The following TMEM178B variants were observed in gnomAD, a reference collection of about 807,000 sequenced individuals.
TMEM178B encodes the protein transmembrane protein 178B.
TMEM178B carries 5 observed loss-of-function variants against 31.0 expected under a neutral mutation model. The observed-to-expected ratio is 0.16, with a 90% CI of 0.08 to 0.34. TMEM178B has a LOEUF of 0.34. Ranked by LOEUF, TMEM178B falls within the 10% of genes least tolerant of loss-of-function variation. The pLI is 1.00. For synonymous variants in TMEM178B, 164 were observed against 164.0 expected (o/e 1.00, Z 0.00); for missense variants, 275 against 400.3 (o/e 0.69, Z 2.67).
chr7:141,455,195 C>T (rs1447182471), intron 3 of TMEM178B, among the ~76,000 whole-genome samples: 1 of 152,162 alleles, frequency 6.6e-6, no homozygotes, highest in Non-Finnish European at 1.5e-5. Flanking sequence ...AAACTCGTGT[C>T]CCTTCAGAAG....
chr7:141,353,205 C>T (rs1298039770), intron 2 of TMEM178B, among the ~76,000 whole-genome samples: 2 of 152,280 alleles, frequency 1.3e-5, no homozygotes, highest in African/African-American at 2.4e-5. Flanking sequence ...CGGCTGAGTT[C>T]GCATTCCAAC....
chr7:141,436,857 G>A (rs1274694089), intron 2 of TMEM178B, among the ~76,000 whole-genome samples: 1 of 152,178 alleles, frequency 6.6e-6, no homozygotes, highest in Non-Finnish European at 1.5e-5. Flanking sequence ...AGCCAGGCGT[G>A]GAACAGAGAA....
intron 3 of TMEM178B, among the ~76,000 whole-genome samples, chr7:141,460,583 G>A (rs1802043290): frequency 6.6e-6 from 1 of 152,248 alleles, no homozygotes; most frequent in Admixed American, 6.5e-5. Context: ...GAATCTGGAT[G>A]TATTCTCTTT....
intron 2 of TMEM178B, among the ~76,000 whole-genome samples, chr7:141,264,403 A>T (rs1483313433): frequency 6.6e-6 from 1 of 152,194 alleles, no homozygotes; most frequent in African/African-American, 2.4e-5. Flanking sequence ...CCCATGCCAG[A>T]TGCAGAAATG....
At chr7:141,140,344 C>T (rs1795750398) in intron 1 of TMEM178B, among the ~76,000 whole-genome samples, 2 of 152,140 alleles carry the variant, frequency 1.3e-5, no homozygotes, top group Admixed American at 1.3e-4. Flanking sequence ...TCTTAGAACA[C>T]CCTGTTTAAA....
At chr7:141,164,090 A>G (rs1017749734) in intron 1 of TMEM178B, among the ~76,000 whole-genome samples, 23 of 152,184 alleles carry the variant, frequency 1.5e-4, no homozygotes, top group African/African-American at 4.8e-4. Flanking sequence ...TTTTCTGAAT[A>G]TAATACTCTT....
At position 141,102,599 on chromosome 7, in the gene TMEM178B, G is replaced by T. The variant is rs780517685; in HGVS notation, c.382+27907G>T. ...CGTGCTAGTTTCTAAGCATATGCAG[G>T]TTTCCTGGCATAGAAAATGCTTATG... On this transcript the variant is annotated intron_variant, in intron 1 of 3. Coordinates refer to ENST00000565468, the MANE Select transcript of TMEM178B (RefSeq NM_001195278.2). Among the ~76,000 whole-genome samples the T allele has an allele frequency of 9.9e-5, 15 of 152,160 alleles. 1 individual carries two copies. Among genetic ancestry groups the T allele is most frequent in the Admixed American group, 5.9e-4 (9 of 15,274 alleles).
intron 2 of TMEM178B, among the ~76,000 whole-genome samples, chr7:141,218,722 T>C (rs6965161): frequency 0.8 from 121,133 of 152,018 alleles, 48,520 homozygotes; most frequent in Middle Eastern, 0.88. Flanking sequence ...GGTCCTGCCC[T>C]TGAACCCCAG....
intron 2 of TMEM178B, among the ~76,000 whole-genome samples, chr7:141,407,167 A>T (rs567782211): frequency 1.3e-5 from 2 of 152,208 alleles, no homozygotes; most frequent in Non-Finnish European, 2.9e-5. Context: ...GAAAATATTT[A>T]CTATCTGGCC....
At chr7:141,313,194 T>C (rs1260520909) in intron 2 of TMEM178B, among the ~76,000 whole-genome samples, 2 of 152,236 alleles carry the variant, frequency 1.3e-5, no homozygotes, top group Non-Finnish European at 2.9e-5. Flanking sequence ...CTTGTCACTC[T>C]AGTACTGACC....
chr7:141,079,222 G>T (rs1394701024), intron 1 of TMEM178B, among the ~76,000 whole-genome samples: 1 of 152,220 alleles, frequency 6.6e-6, no homozygotes, highest in Non-Finnish European at 1.5e-5. Flanking sequence ...AGGAGGTAGA[G>T]GTTGCGGTGA....
intron 2 of TMEM178B, among the ~76,000 whole-genome samples, chr7:141,348,636 A>G (rs1480024193): frequency 1.3e-5 from 2 of 152,342 alleles, no homozygotes; most frequent in South Asian, 2.1e-4. Flanking sequence ...ACCCACAAGA[A>G]TATCTCCAGT....
chr7:141,257,655 A>G (rs1418762412), intron 2 of TMEM178B, among the ~76,000 whole-genome samples: 1 of 152,218 alleles, frequency 6.6e-6, no homozygotes, highest in African/African-American at 2.4e-5. Context: ...CTGTAAGAAC[A>G]GTGAAGCCAG....
intron 2 of TMEM178B, among the ~76,000 whole-genome samples, chr7:141,431,928 C>T (rs958970319): frequency 3.3e-5 from 5 of 152,170 alleles, no homozygotes; most frequent in African/African-American, 1.2e-4. Context: ...GGAATACATG[C>T]ACAGGCCTTT....
At chr7:141,131,548 C>T (rs916899762) in intron 1 of TMEM178B, among the ~76,000 whole-genome samples, 8 of 152,136 alleles carry the variant, frequency 5.3e-5, no homozygotes, top group Admixed American at 1.3e-4. Context: ...TTTCGGGTTA[C>T]GTATAATTGA....
intron 2 of TMEM178B, among the ~76,000 whole-genome samples, chr7:141,341,038 A>G (rs1249509195): frequency 6.6e-6 from 1 of 152,236 alleles, no homozygotes; most frequent in African/African-American, 2.4e-5. Context: ...AGCTCAATGC[A>G]TGGAAATATA....
At chr7:141,350,198 C>T (rs1248560279) in intron 2 of TMEM178B, among the ~76,000 whole-genome samples, 1 of 152,144 alleles carries the variant, frequency 6.6e-6, no homozygotes, top group Non-Finnish European at 1.5e-5. Context: ...AGAGCTCTGT[C>T]TTCTAGTGTC....
intron 2 of TMEM178B, among the ~76,000 whole-genome samples, chr7:141,410,999 G>A (rs1177274619): frequency 1.3e-5 from 2 of 152,166 alleles, no homozygotes; most frequent in Admixed American, 6.5e-5. Context: ...TAAGGCATAT[G>A]AGTGGTTGAA....
intron 1 of TMEM178B, among the ~76,000 whole-genome samples, chr7:141,079,653 C>A (rs1794652628): frequency 6.6e-6 from 1 of 152,174 alleles, no homozygotes; most frequent in African/African-American, 2.4e-5. Context: ...TCACAAGCTT[C>A]TCCCTTCTTC....
Sources: gnomAD v4.1 joint callset for allele counts (sites outside exome capture counted in the v4.1 genomes callset) on GRCh38, gnomAD v4.1.1 for gene constraint, MANE v1.5 for transcripts, NCBI Gene and HGNC (gene_info 2026-07-23, HGNC 2026-07-21) for gene names.